NAA16: variants seen among roughly 807,000 people sequenced by gnomAD.
NAA16 encodes N-alpha-acetyltransferase 16, NatA auxiliary subunit.
Under a neutral mutation model 110.3 loss-of-function variants are expected in NAA16, and 97 were observed. That is an observed-to-expected ratio of 0.88 (90% CI 0.75 to 1.04). NAA16 has a LOEUF of 1.04. Among genes scored for constraint, NAA16 ranks in the 50% least tolerant of loss-of-function variants. NAA16 has a pLI of 0.00. For missense variants in NAA16, 1,017 were observed against 1,005.1 expected (o/e 1.01, Z -0.16); for synonymous variants, 372 against 330.6 (o/e 1.13, Z -1.36).
chr13:41,362,667 G>T, intron 13 of NAA16: 3 of 1,270,120 alleles, frequency 2.4e-6, no homozygotes, highest in Non-Finnish European at 3.1e-6. Context: ...ATGTGCCTTA[G>T]TGAGGGGACT....
intron 18 of NAA16, among the ~76,000 whole-genome samples, chr13:41,374,218 G>A (rs2043382479): frequency 1.3e-5 from 2 of 151,606 alleles, no homozygotes; most frequent in Non-Finnish European, 2.9e-5. Flanking sequence ...TAATTTATAG[G>A]AGAAATATAA....
At chr13:41,332,522 A>G (rs899038906) in intron 8 of NAA16, among the ~76,000 whole-genome samples, 1 of 152,176 alleles carries the variant, frequency 6.6e-6, no homozygotes, top group Non-Finnish European at 1.5e-5. Flanking sequence ...TTAGCTCTTC[A>G]GGTAGCTAAT....
Position 41,368,924 on chromosome 13 carries a change from A to G in NAA16, c.1754-166A>G, listed in dbSNP as rs766336065. Among the ~76,000 whole-genome samples the G allele has an allele frequency of 7.9e-5, 12 of 152,174 alleles. No individual in the cohort carries two copies. The South Asian group carries it at 8.3e-4, about 10-fold the overall frequency. On this transcript the variant is annotated intron_variant, in intron 14 of 19. Coordinates refer to ENST00000379406, the MANE Select transcript of NAA16 (RefSeq NM_024561.5). ...ATAGGTTGTATGGAAATACTGTGTC[A>G]TTTTATATCACAGGCTTGAGTATCA...
chr13:41,313,960 G>C lies in NAA16; in HGVS notation c.54+2378G>C, dbSNP rs139240774. Among the ~76,000 whole-genome samples the C allele has an allele frequency of 4.4e-3, 674 of 151,622 alleles. 6 individuals are homozygous for C. Among genetic ancestry groups the C allele is most frequent in the African/African-American group, 0.015 (634 of 41,358 alleles). On this transcript the variant is annotated intron_variant, in intron 1 of 19. Coordinates refer to ENST00000379406, the MANE Select transcript of NAA16 (RefSeq NM_024561.5). ...CAACCTCTGCCTCCCAGATTCAAGC[G>C]ATTCTCGTGCCTCAGCCTCCTGAGT...
chr13:41,373,944 TG>T, intron 18 of NAA16, 164 bp downstream of exon 18: 1 of 1,155,120 alleles, frequency 8.7e-7, no homozygotes, highest in Admixed American at 3.6e-5. Context: ...GAAACAGGGA[TG>T]GATTCACAGG....
chr13:41,341,004 C>G (rs892548835), intron 9 of NAA16, among the ~76,000 whole-genome samples: 3 of 152,152 alleles, frequency 2.0e-5, no homozygotes, highest in Non-Finnish European at 2.9e-5. Context: ...AATTTGATTG[C>G]ACTGTGGTCT....
At chr13:41,317,062 T>A (rs768848311) in intron 2 of NAA16, 132 bp downstream of exon 2, 12 of 629,890 alleles carry the variant, frequency 1.9e-5, no homozygotes, top group Non-Finnish European at 3.1e-5. Context: ...GTTCAGCATT[T>A]TTTTAATGCT....
intron 7 of NAA16, among the ~76,000 whole-genome samples, chr13:41,330,177 G>GGTTTTTTTTT (rs1438216362): frequency 6.6e-6 from 1 of 151,736 alleles, no homozygotes; most frequent in Non-Finnish European, 1.5e-5. Flanking sequence ...CAGAGAGCGA[G>GGTTTTTTTTT]GTTTTTTTTT....
At chr13:41,362,900 G>T in intron 13 of NAA16, 1 of 1,170,936 alleles carries the variant, frequency 8.5e-7, no homozygotes, top group Non-Finnish European at 1.1e-6. Context: ...CACCGTGGCA[G>T]TCACTTTGGC....
intron 19 of NAA16, 109 bp downstream of exon 19, chr13:41,374,948 C>A (rs2043399797): frequency 1.5e-6 from 1 of 666,604 alleles, no homozygotes; most frequent in Non-Finnish European, 2.6e-6. Flanking sequence ...GGATGTTAAT[C>A]CCAGCTCTAT....
chr13:41,358,458 A>C lies in NAA16; in HGVS notation c.1242A>C (p.Lys414Asn). Residue 414 changes from lysine (K) to asparagine (N), a missense_variant, in exon 11 of 20, where the codon AAA (lysine) becomes AAC (asparagine). Physicochemically the swap from Lys to Asn is moderately conservative, Grantham distance 94. Transcript: ENST00000379406. ...CTCTAATAGAATTATTCTATATGAA[A>C]GCAAAAATTTACAAGGTAAAATCTG... ...TPTLIELFYM[K>N]AKIYKHIGNL... The C allele has an allele frequency of 6.2e-7, 1 of 1,613,476 alleles. No individual in the cohort carries two copies. The highest frequency in any genetic ancestry group is 8.5e-7 in the Non-Finnish European group (1 of 1,179,482).
chr13:41,323,736 C>T (rs928866398), intron 5 of NAA16, among the ~76,000 whole-genome samples: 6 of 151,812 alleles, frequency 4.0e-5, no homozygotes, highest in Non-Finnish European at 7.4e-5. Context: ...CATCCTGCCT[C>T]GTCTTCCTAA....
intron 9 of NAA16, among the ~76,000 whole-genome samples, chr13:41,338,211 G>T (rs761856831): frequency 6.6e-6 from 1 of 152,170 alleles, no homozygotes; most frequent in Non-Finnish European, 1.5e-5. Context: ...TTATGTATGT[G>T]AATTAGAGTA....
chr13:41,373,558 A>C (rs1399686187), intron 17 of NAA16, 79 bp from the exon 18 acceptor site: 32 of 1,450,682 alleles, frequency 2.2e-5, no homozygotes, highest in Non-Finnish European at 2.6e-5. Flanking sequence ...GCGCCCAGCC[A>C]TAAAGGGTTT....
rs370235759 is a variant in NAA16 at position 41,345,854 on chromosome 13, G to A, written c.1014+9098G>A. On this transcript the variant is annotated intron_variant, in intron 9 of 19. Transcript: ENST00000379406. Reference sequence around the variant, plus strand: ...CTTCCAAAGTGTTGGGATTACAGGCGTGAGCCAGCACGCCGGGCCAGAAGT... The same window carrying A: ...CTTCCAAAGTGTTGGGATTACAGGCATGAGCCAGCACGCCGGGCCAGAAGT... Among the ~76,000 whole-genome samples the A allele has an allele frequency of 6.6e-5, 10 of 152,204 alleles. No individual in the cohort carries two copies. In the East Asian group the frequency reaches 1.5e-3, roughly 23 times the overall value.
intron 3 of NAA16, among the ~76,000 whole-genome samples, chr13:41,319,532 G>T (rs182198229): frequency 1.3e-5 from 2 of 151,080 alleles, no homozygotes; most frequent in Non-Finnish European, 3.0e-5. Context: ...TTTGTTTTTT[G>T]GGGGGAGGGA....
chr13:41,375,255 G>A (rs751973945), intron 19 of NAA16, 150 bp from the exon 20 acceptor site: 1 of 558,616 alleles, frequency 1.8e-6, no homozygotes, highest in Non-Finnish European at 3.1e-6. Flanking sequence ...TGCCTTTTTT[G>A]AGGTGATTGC....
intron 13 of NAA16, among the ~76,000 whole-genome samples, chr13:41,365,792 G>C (rs1281573032): frequency 1.3e-5 from 2 of 152,174 alleles, no homozygotes; most frequent in African/African-American, 2.4e-5. Flanking sequence ...AATATTTGTG[G>C]TTACATATGG....
At chr13:41,347,625 T>C (rs1020980087) in intron 9 of NAA16, among the ~76,000 whole-genome samples, 1 of 152,194 alleles carries the variant, frequency 6.6e-6, no homozygotes, top group African/African-American at 2.4e-5. Flanking sequence ...AAATTGTTTT[T>C]ATAATTTCAT....
Sources: allele counts gnomAD v4.1 joint callset (sites outside exome capture counted in the v4.1 genomes callset), GRCh38; gene constraint gnomAD v4.1.1; transcripts MANE v1.5; gene names NCBI Gene and HGNC (gene_info 2026-07-23, HGNC 2026-07-21).